The following ARID4B variants were observed in gnomAD, a reference collection of about 807,000 sequenced individuals.
The protein encoded by ARID4B is AT-rich interactive domain-containing protein 4B.
A neutral mutation model predicts 147.5 loss-of-function variants in ARID4B; 26 were observed. The ratio of observed to expected loss-of-function variants is 0.18; its 90% CI spans 0.13 to 0.24. The LOEUF is 0.24. Among genes scored for constraint, ARID4B ranks in the 10% least tolerant of loss-of-function variants. ARID4B has a pLI of 1.00. For missense variants in ARID4B, 1,179 were observed against 1,511.5 expected (o/e 0.78, Z 3.65); for synonymous variants, 512 against 507.9 (o/e 1.01, Z -0.11).
intron 17 of ARID4B, among the ~76,000 whole-genome samples, chr1:235,208,500 TA>T (rs1173858954): frequency 9.9e-5 from 15 of 150,858 alleles, no homozygotes; most frequent in East Asian, 1.9e-4. Flanking sequence ...ATTTTATTAT[TA>T]TTTTTTTTCT....
At chr1:235,217,574 T>C (rs1476438778) in intron 16 of ARID4B, among the ~76,000 whole-genome samples, 2 of 152,160 alleles carry the variant, frequency 1.3e-5, no homozygotes, top group Admixed American at 6.5e-5. Flanking sequence ...CTTCCCTACT[T>C]GATATTACAC....
intron 16 of ARID4B, among the ~76,000 whole-genome samples, chr1:235,219,184 T>A (rs72756065): frequency 0.13 from 19,905 of 151,980 alleles, 1,511 homozygotes; most frequent in African/African-American, 0.2. Context: ...ATTTTTTTTT[T>A]AATTCATTGT....
At chr1:235,254,904 G>C (rs1441735251) in intron 5 of ARID4B, among the ~76,000 whole-genome samples, 1 of 151,806 alleles carries the variant, frequency 6.6e-6, no homozygotes, top group Non-Finnish European at 1.5e-5. Flanking sequence ...GTCCAAATTA[G>C]CAAAAAATTT....
chr1:235,299,038 G>T (rs1672945597), intron 2 of ARID4B, among the ~76,000 whole-genome samples: 1 of 152,100 alleles, frequency 6.6e-6, no homozygotes, highest in Non-Finnish European at 1.5e-5. Flanking sequence ...AGGATGGCTT[G>T]AACCCAGGAG....
chr1:235,295,848 G>C (rs1001683758), intron 2 of ARID4B: 3 of 152,328 alleles, frequency 2.0e-5, no homozygotes, highest in African/African-American at 7.3e-5. Flanking sequence ...GAAGTTACAT[G>C]GCTGTACTCA....
At chr1:235,178,918 ATTTC>A (rs1451388317) in intron 20 of ARID4B, among the ~76,000 whole-genome samples, 2 of 151,902 alleles carry the variant, frequency 1.3e-5, no homozygotes, top group African/African-American at 4.8e-5. Context: ...AATTTTTAAT[ATTTC>A]TTTTTTATTT....
chr1:235,283,341 C>G (rs1671782203), intron 2 of ARID4B, among the ~76,000 whole-genome samples: 1 of 152,042 alleles, frequency 6.6e-6, no homozygotes, highest in Non-Finnish European at 1.5e-5. Flanking sequence ...CTATCTGTAA[C>G]CAACATAAAC....
At chr1:235,299,084 C>T (rs963895784) in intron 2 of ARID4B, among the ~76,000 whole-genome samples, 10 of 151,872 alleles carry the variant, frequency 6.6e-5, no homozygotes, top group African/African-American at 1.9e-4. Flanking sequence ...TGAGATGCCA[C>T]GTCAAAAAAA....
rs35263210 is a variant in ARID4B at position 235,326,150 on chromosome 1, T to TA, written c.6+763dup. ...CTAAGGTTTTATTCTAGCATGTGTT[T>TA]AAAAAAAAAAAAGACAGCATTCATA... On this transcript the variant is annotated intron_variant, in intron 2 of 23. Coordinates refer to ENST00000264183, the MANE Select transcript of ARID4B (RefSeq NM_016374.6). Among the ~76,000 whole-genome samples, 362 of 145,564 alleles carry TA rather than the reference T, an allele frequency of 2.5e-3. 3 individuals carry two copies. Among genetic ancestry groups the TA allele is most frequent in the African/African-American group, 5.2e-3 (207 of 39,922 alleles).
At position 235,289,725 on chromosome 1, in the gene ARID4B, C is replaced by CA. The variant is rs35163064; in HGVS notation, c.7-28974dup. On this transcript the variant is annotated intron_variant, in intron 2 of 23. Coordinates refer to ENST00000264183, the MANE Select transcript of ARID4B (RefSeq NM_016374.6). ...GGGGGACAGGAAGGAGATTCTGCCT[C>CA]AAAAAAAAAAAAAAAAGCCAACCAT... 7.2e-3 allele frequency among the ~76,000 whole-genome samples: 667 copies of CA among 92,780 alleles called. 3 individuals are homozygous for CA. Among genetic ancestry groups the CA allele is most frequent in the South Asian group, 0.038 (132 of 3,512 alleles). The allele number at this position is 92,780 out of a possible 152,430, so 60.9% of individuals were successfully genotyped here.
At chr1:235,244,765 C>A (rs1229694372) in intron 7 of ARID4B, among the ~76,000 whole-genome samples, 1 of 152,116 alleles carries the variant, frequency 6.6e-6, no homozygotes, top group Non-Finnish European at 1.5e-5. Flanking sequence ...AATCTGAGAT[C>A]ACAGCAAAGA....
chr1:235,223,763 A>G (rs1385542671), intron 12 of ARID4B, among the ~76,000 whole-genome samples: 1 of 150,506 alleles, frequency 6.6e-6, no homozygotes, highest in African/African-American at 2.4e-5. Context: ...AGAAAGTGGT[A>G]GAGGAGGTAA....
intron 17 of ARID4B, among the ~76,000 whole-genome samples, chr1:235,210,030 C>T (rs1482641021): frequency 6.6e-6 from 1 of 151,942 alleles, no homozygotes; most frequent in African/African-American, 2.4e-5. Flanking sequence ...GAGTTTGAAA[C>T]CAGCTTGGGC....
At position 235,194,024 on chromosome 1, in the gene ARID4B, T is replaced by C. The variant is rs765461198; in HGVS notation, c.2114A>G (p.Asn705Ser). The C allele has an allele frequency of 1.9e-6, 3 of 1,601,886 alleles. No individual in the cohort carries two copies. In the South Asian group the frequency reaches 3.3e-5, roughly 18 times the overall value. ...IKSIEITSIL[N>S]GLQASESSAE... Reference sequence around the variant, plus strand: ...ATTGTTATGTTTACCTTGAAGTCCATTAAGGATCGAAGTAATTTCTATGGA... The same window carrying C: ...ATTGTTATGTTTACCTTGAAGTCCACTAAGGATCGAAGTAATTTCTATGGA... The change falls in exon 19 of 24, where the codon AAT (asparagine) becomes AGT (serine). Residue 705 changes from asparagine to serine, a missense_variant. Asn to Ser is a conservative substitution (Grantham distance 46). Around this residue, in one of 10 missense-constraint regions of ARID4B, gnomAD observed 321 missense variants for 342.4 expected, o/e 0.94. Transcript: ENST00000264183.
chr1:235,187,077 CTTT>C (rs11335836), intron 19 of ARID4B: 3,320 of 264,320 alleles, frequency 0.013, no homozygotes, highest in Middle Eastern at 0.023. Flanking sequence ...GCATCTTATT[CTTT>C]TTTTTTTTTT....
At chr1:235,238,153 A>AAAAAAAAAAGAAAAG (rs61179792) in intron 8 of ARID4B, among the ~76,000 whole-genome samples, 1,515 of 141,540 alleles carry the variant, frequency 0.011, 14 homozygotes, top group Non-Finnish European at 0.016. Flanking sequence ...CAAAAAAAAA[A>AAAAAAAAAAGAAAAG]AAAAGAAAAG....
chr1:235,295,702 C>T (rs1162079503), intron 2 of ARID4B, among the ~76,000 whole-genome samples: 1 of 145,790 alleles, frequency 6.9e-6, no homozygotes, highest in African/African-American at 2.5e-5. Context: ...CCCAGCTACT[C>T]GGGAGGCTGA....
chr1:235,326,472 A>G (rs954218267), intron 2 of ARID4B, among the ~76,000 whole-genome samples: 1 of 152,220 alleles, frequency 6.6e-6, no homozygotes, highest in Non-Finnish European at 1.5e-5. Flanking sequence ...TAAATCTTTC[A>G]ATTAAATTAT....
chr1:235,181,544 G>A, intron 20 of ARID4B, 41 bp downstream of exon 20: 1 of 1,578,538 alleles, frequency 6.3e-7, no homozygotes, highest in Non-Finnish European at 8.6e-7. Flanking sequence ...TTTAAGAGGG[G>A]AAACCCTAAA....
Sources: gnomAD v4.1 joint callset for allele counts (sites outside exome capture counted in the v4.1 genomes callset) on GRCh38, gnomAD v4.1.1 for gene constraint, gnomAD v4.1.1 regional missense constraint, MANE v1.5 for transcripts, NCBI Gene and HGNC (gene_info 2026-07-23, HGNC 2026-07-21) for gene names.